PTPN23: variants seen among roughly 807,000 people sequenced by gnomAD.
PTPN23 encodes tyrosine-protein phosphatase non-receptor type 23.
PTPN23 carries 72 observed loss-of-function variants against 156.3 expected under a neutral mutation model. That is an observed-to-expected ratio of 0.46 (90% CI 0.38 to 0.56). PTPN23 has a LOEUF of 0.56. Ranked by LOEUF, PTPN23 falls within the 20% of genes least tolerant of loss-of-function variation. PTPN23 has a pLI of 0.00. For missense variants in PTPN23, 1,974 were observed against 2,171.5 expected (o/e 0.91, Z 1.81); for synonymous variants, 957 against 899.6 (o/e 1.06, Z -1.14).
chr3:47,409,876 C>T (rs1465104958), intron 19 of PTPN23, 42 bp downstream of exon 19: 2 of 1,590,896 alleles, frequency 1.3e-6, no homozygotes, highest in African/African-American at 1.3e-5. Context: ...CGGGTCCAGA[C>T]AGGCTGGGGT....
chr3:47,411,676 A>C lies in PTPN23; in HGVS notation c.3878A>C (p.Glu1293Ala). The C allele has an allele frequency of 6.2e-7, 1 of 1,603,176 alleles. No individual in the cohort carries two copies. Among genetic ancestry groups the C allele is most frequent in the Non-Finnish European group, 8.5e-7 (1 of 1,172,804 alleles). ...SVIVMLVSEAEMEKQKVARYF... is the reference protein window; with the variant it reads ...SVIVMLVSEAAMEKQKVARYF... ...ATTGTCATGCTGGTTTCTGAGGCTG[A>C]GATGGAGAAGGTGAGAAGAGGGGGT... is the stretch of plus-strand genomic sequence containing the variant. The change falls in exon 20 of 25, where the codon GAG (glutamate) becomes GCG (alanine). Residue 1293 changes from glutamate (E) to alanine (A), a missense_variant. Glu to Ala is a moderately radical substitution (Grantham distance 107). Around this residue, in one of 4 missense-constraint regions of PTPN23, gnomAD observed 484 missense variants for 516.0 expected, o/e 0.94. Transcript: ENST00000265562. This position sits in a 1 kb window ranked among gnomAD's most constrained non-coding sequence, Gnocchi z 6.3.
intron 1 of PTPN23, among the ~76,000 whole-genome samples, chr3:47,391,393 CCTAA>C (rs774583488): frequency 3.9e-5 from 6 of 152,126 alleles, no homozygotes; most frequent in East Asian, 1.9e-4. Context: ...TGGTGAATAC[CCTAA>C]CTCTTTGCCT....
chr3:47,408,683 G>A, intron 15 of PTPN23, 93 bp from the exon 16 acceptor site: 1 of 1,485,742 alleles, frequency 6.7e-7, no homozygotes, highest in South Asian at 1.3e-5. Context: ...CTTAAGCCCT[G>A]ACCTGAGGGG....
intron 2 of PTPN23, among the ~76,000 whole-genome samples, chr3:47,403,590 A>AC (rs989091132): frequency 6.6e-5 from 10 of 152,126 alleles, no homozygotes; most frequent in African/African-American, 2.4e-4. Flanking sequence ...AAACAGTGGC[A>AC]CAACCATAGC....
chr3:47,406,827 C>A lies in PTPN23; in HGVS notation c.807+77C>A, dbSNP rs1705137473. 6.4e-7 allele frequency: 1 copy of A among 1,566,600 alleles called. No individual in the cohort carries two copies. Among genetic ancestry groups the A allele is most frequent in the Non-Finnish European group, 8.7e-7 (1 of 1,148,562 alleles). ...TGCCGGTGTGCTCCCGCTCCTTACA[C>A]ACCAGGGGGTGGCCTTCTCTGTCTC... On this transcript the variant is annotated intron_variant, in intron 9 of 24. Coordinates refer to ENST00000265562, the MANE Select transcript of PTPN23 (RefSeq NM_015466.4). This position sits in a 1 kb window ranked among gnomAD's most constrained non-coding sequence, Gnocchi z 5.8.
At chr3:47,395,301 CT>C (rs1232435615) in intron 1 of PTPN23, among the ~76,000 whole-genome samples, 1 of 152,198 alleles carries the variant, frequency 6.6e-6, no homozygotes, top group Non-Finnish European at 1.5e-5. Context: ...TTAAGGAGCC[CT>C]GTGAGGTGGG....
intron 1 of PTPN23, among the ~76,000 whole-genome samples, chr3:47,385,012 T>C (rs907664438): frequency 3.9e-5 from 6 of 152,184 alleles, no homozygotes; most frequent in African/African-American, 1.4e-4. Flanking sequence ...TCTGCCTGCC[T>C]CGGCCTCCCA....
In PTPN23 at chr3:47,403,137, G is replaced by T. The variant is rs559385844; in HGVS notation, c.160-1515G>T. Reference sequence around the variant, plus strand: ...GCGATTTCGGCTCACTGCAGGCTCCGCCCCCCGGGGGTTCACGCCATTCTC... The same window carrying T: ...GCGATTTCGGCTCACTGCAGGCTCCTCCCCCCGGGGGTTCACGCCATTCTC... On this transcript the variant is annotated intron_variant, in intron 2 of 24. Transcript: ENST00000265562. Among the ~76,000 whole-genome samples, 65 of 150,670 alleles carry T rather than the reference G, an allele frequency of 4.3e-4. 1 individual carries two copies. The highest frequency in any genetic ancestry group is 8.4e-4 in the Non-Finnish European group (57 of 67,596).
chr3:47,404,534 C>A, intron 2 of PTPN23, 118 bp from the exon 3 acceptor site: 1 of 1,382,120 alleles, frequency 7.2e-7, no homozygotes, highest in East Asian at 2.3e-5. Flanking sequence ...TTTTGGGATC[C>A]CTTGGTGTGT....
chr3:47,409,860 G>A (rs1705221654), intron 19 of PTPN23, 26 bp downstream of exon 19: 1 of 1,601,524 alleles, frequency 6.2e-7, no homozygotes, highest in Non-Finnish European at 8.5e-7. Flanking sequence ...GGGCTGTGGT[G>A]CGGCTCGGGT....
In PTPN23 at chr3:47,410,045, C is replaced by A. The variant is rs761002061; in HGVS notation, c.2247C>A (p.Pro749=). The change falls in exon 20 of 25, where the codon CCC becomes CCA. Residue 749 remains proline (P), a synonymous_variant. Transcript: ENST00000265562. The part of the protein sequence containing the change: ...GDPPEELRSL[P]PDMVAGPRLP... ...CCCCTGAGGAGCTGCGCAGCCTCCC[C>A]CCTGACATGGTGGCTGGCCCACGAC... The A allele has an allele frequency of 3.1e-6, 5 of 1,611,612 alleles. No individual in the cohort carries two copies. The highest frequency in any genetic ancestry group is 3.4e-6 in the Non-Finnish European group (4 of 1,179,072).
intron 2 of PTPN23, among the ~76,000 whole-genome samples, chr3:47,403,854 A>G (rs116085434): frequency 1.3e-3 from 199 of 152,288 alleles, no homozygotes; most frequent in African/African-American, 4.6e-3. Flanking sequence ...GACCCTGGTA[A>G]TAATGCTGTG....
At position 47,405,205 on chromosome 3, in the gene PTPN23, C is replaced by T. The variant is rs1262564031; in HGVS notation, c.364+124C>T. 16 of 846,798 alleles carry T rather than the reference C, an allele frequency of 1.9e-5. No homozygotes were observed. In the Admixed American group the frequency reaches 3.2e-4, roughly 17 times the overall value. 52.5% of individuals were successfully genotyped at this position (846,798 alleles called of 1,614,324 possible). The stretch of plus-strand genomic sequence containing the variant: ...GAGGACTCCAGGATTCCCGCCCCTC[C>T]ACTGACCTCCCCACAGCCCTGCCAG... On this transcript the variant is annotated intron_variant, in intron 4 of 24. Coordinates refer to ENST00000265562, the MANE Select transcript of PTPN23 (RefSeq NM_015466.4). The surrounding 1 kb of genome is among the most constrained non-coding windows in gnomAD (Gnocchi z 4.7).
At chr3:47,386,887 T>TA (rs2107692582) in intron 1 of PTPN23, among the ~76,000 whole-genome samples, 1 of 152,330 alleles carries the variant, frequency 6.6e-6, no homozygotes, top group South Asian at 2.1e-4. Flanking sequence ...CCATTTCAGT[T>TA]AGAGTTTAGA....
In PTPN23 at chr3:47,405,477, CA is replaced by C; in HGVS notation, c.365-271del. On this transcript the variant is annotated intron_variant, in intron 4 of 24. Transcript: ENST00000265562. The surrounding 1 kb of genome is among the most constrained non-coding windows in gnomAD (Gnocchi z 4.7). ...CTCAAGGGAGAAGCTTGGGGAGCCC[CA>C]GAGTTCTGTGCAAACATCCCTGAAG... The C allele has an allele frequency of 1.8e-6, 1 of 553,802 alleles. No individual in the cohort carries two copies. The highest frequency in any genetic ancestry group is 3.2e-6 in the Non-Finnish European group (1 of 311,030). 34.3% of individuals were successfully genotyped at this position (553,802 alleles called of 1,614,324 possible).
chr3:47,398,660 A>G (rs905462914), intron 2 of PTPN23, among the ~76,000 whole-genome samples: 1 of 148,738 alleles, frequency 6.7e-6, no homozygotes, highest in African/African-American at 2.5e-5. Flanking sequence ...CCATCTCCCC[A>G]GTTCAAACCA....
At chr3:47,388,768 G>A (rs568849484) in intron 1 of PTPN23, among the ~76,000 whole-genome samples, 54 of 150,128 alleles carry the variant, frequency 3.6e-4, no homozygotes, top group South Asian at 1.7e-3. Flanking sequence ...GTGTTCAAGC[G>A]TTTCTACTGC....
chr3:47,409,730 C>T lies in PTPN23; in HGVS notation c.2025C>T (p.Gly675=). 6.2e-7 allele frequency: 1 copy of T among 1,607,416 alleles called. No individual in the cohort carries two copies. The highest frequency in any genetic ancestry group is 8.5e-7 in the Non-Finnish European group (1 of 1,179,762). The change falls in exon 19 of 25, where the codon GGC becomes GGT. Residue 675 remains glycine, a synonymous_variant. Transcript: ENST00000265562. ...YEDLMKKSQE[G]RDFYADLESK... is the part of the protein sequence containing the mutation. Reference sequence around the variant, plus strand: ...ACCTGATGAAGAAGTCGCAGGAGGGCAGGGACTTCTACGCAGATCTGGAGA... The same window carrying T: ...ACCTGATGAAGAAGTCGCAGGAGGGTAGGGACTTCTACGCAGATCTGGAGA...
intron 2 of PTPN23, among the ~76,000 whole-genome samples, chr3:47,403,201 T>TC (rs1705039017): frequency 1.3e-5 from 2 of 151,626 alleles, no homozygotes; most frequent in Non-Finnish European, 2.9e-5. Context: ...TACAGGTGCC[T>TC]GCCACCACGT....
Sources: gnomAD v4.1 joint callset for allele counts (sites outside exome capture counted in the v4.1 genomes callset) on GRCh38, gnomAD v4.1.1 for gene constraint, gnomAD v4.1.1 regional missense constraint, Gnocchi (gnomAD v3.1) non-coding constraint, MANE v1.5 for transcripts, NCBI Gene and HGNC (gene_info 2026-07-23, HGNC 2026-07-21) for gene names.